IGHMBP2: variants seen among roughly 807,000 people sequenced by gnomAD.
IGHMBP2 encodes immunoglobulin mu DNA binding protein 2, also known as DNA-binding protein SMUBP-2.
In IGHMBP2, 81 loss-of-function variants were observed where a neutral mutation model predicts 96.0. That is an observed-to-expected ratio of 0.84 (90% CI 0.71 to 1.01). The LOEUF (loss-of-function observed/expected upper bound fraction) is 1.01. IGHMBP2 is among the 50% of genes least tolerant of loss of function. The probability of loss-of-function intolerance (pLI) is 0.00; values close to 1 mark genes in which losing one functional copy is unlikely to be tolerated. For synonymous variants in IGHMBP2, 557 were observed against 548.9 expected (o/e 1.01, Z -0.21); for missense variants, 1,227 against 1,306.3 (o/e 0.94, Z 0.94).
chr11:68,903,998 C>T lies in IGHMBP2; in HGVS notation c.46C>T (p.Leu16=). ...GAGCTTCGTGACCAAGCAACTGGAC[C>T]TGCTGGAGCTTGAGAGAGACGCGGA... ...VESFVTKQLD[L]LELERDAEVE... Residue 16 remains leucine, a synonymous_variant, in exon 1 of 15, where the codon CTG becomes TTG. Coordinates refer to ENST00000255078, the MANE Select transcript of IGHMBP2 (RefSeq NM_002180.3). 1 of 1,551,290 alleles carries T rather than the reference C, an allele frequency of 6.4e-7. No individual in the cohort carries two copies. Among genetic ancestry groups the T allele is most frequent in the Non-Finnish European group, 8.7e-7 (1 of 1,147,248 alleles).
intron 8 of IGHMBP2, chr11:68,930,298 T>C (rs1211888449): frequency 7.8e-7 from 1 of 1,288,550 alleles, no homozygotes; most frequent in Non-Finnish European, 1.0e-6. Flanking sequence ...TTGAAACACT[T>C]CTCTGTTTCA....
chr11:68,930,417 C>A (rs1859245000), intron 8 of IGHMBP2: 6 of 1,289,562 alleles, frequency 4.7e-6, no homozygotes, highest in Non-Finnish European at 6.1e-6. Context: ...GGGGCGTGGG[C>A]AGCCCAGGAG....
At chr11:68,939,467 A>T (rs568862) in intron 14 of IGHMBP2, 67 bp from the exon 15 acceptor site, 10 of 1,556,400 alleles carry the variant, frequency 6.4e-6, no homozygotes, top group Non-Finnish European at 8.8e-6. Flanking sequence ...GCTCTTTGAT[A>T]GGCAGAGCTG....
At chr11:68,912,151 G>GC (rs1445224221) in intron 5 of IGHMBP2, among the ~76,000 whole-genome samples, 6 of 152,114 alleles carry the variant, frequency 3.9e-5, no homozygotes, top group African/African-American at 1.4e-4. Flanking sequence ...TGGAGACGGA[G>GC]CCTCACTCTG....
Position 68,908,255 on chromosome 11 carries a change from G to C in IGHMBP2, c.367G>C (p.Asp123His), listed in dbSNP as rs1004055119. 15 of 1,613,944 alleles carry C rather than the reference G, an allele frequency of 9.3e-6. No individual in the cohort carries two copies. The East Asian group carries it at 2.7e-4, about 29-fold the overall frequency. The change falls in exon 3 of 15, where the codon GAT becomes CAT. Residue 123 changes from aspartate (D) to histidine (H), a missense_variant. Physicochemically the swap from Asp to His is moderately conservative, Grantham distance 81. Transcript: ENST00000255078. ...SVTVAFDESHDFQLSLDRENS... is the reference protein window; with the variant it reads ...SVTVAFDESHHFQLSLDRENS... ...CACGGTGGCCTTTGATGAGTCCCAC[G>C]ATTTCCAGTTGAGCTTGGACCGAGA... is the stretch of plus-strand genomic sequence containing the variant.
At chr11:68,919,778 T>G (rs1858811026) in intron 7 of IGHMBP2, among the ~76,000 whole-genome samples, 1 of 152,240 alleles carries the variant, frequency 6.6e-6, no homozygotes, top group Non-Finnish European at 1.5e-5. Context: ...GGGCTATGTT[T>G]TCTTGATTAA....
At chr11:68,904,811 T>TTTTTTTTTTTTTC in intron 1 of IGHMBP2, among the ~76,000 whole-genome samples, 1 of 146,212 alleles carries the variant, frequency 6.8e-6, no homozygotes, top group Non-Finnish European at 1.5e-5. Context: ...TTCTTTTTTT[T>TTTTTTTTTTTTTC]TTTTTTAGAC....
rs1421719488 is a variant in IGHMBP2 at position 68,937,078 on chromosome 11, G to T, written c.2598G>T (p.Lys866Asn). Residue 866 changes from lysine (K) to asparagine (N), a missense_variant, in exon 13 of 15, where the codon AAG becomes AAT. This residue lies in a region of IGHMBP2 where 703 missense variants were observed against 770.3 expected (regional missense o/e 0.91). Coordinates refer to ENST00000255078, the MANE Select transcript of IGHMBP2 (RefSeq NM_002180.3). Reference protein sequence around the residue: ...SGQQKLPEKKKKKAKGHPATD... With the variant: ...SGQQKLPEKKNKKAKGHPATD... ...AGCAGAAACTTCCAGAAAAGAAAAA[G>T]AAAAAAGCCAAAGGTAAGTCAACTA... The T allele has an allele frequency of 1.3e-6, 2 of 1,598,282 alleles. No individual in the cohort carries two copies. Among genetic ancestry groups the T allele is most frequent in the African/African-American group, 1.3e-5 (1 of 74,864 alleles).
In IGHMBP2 at chr11:68,903,958, C is replaced by T. The variant is rs1168042239; in HGVS notation, c.6C>T (p.Ala2=). ...GGCCCAGGCCGGCGGCGGCGATGGC[C>T]TCGGCAGCTGTGGAGAGCTTCGTGA... M[A]SAAVESFVTK... The change falls in exon 1 of 15, where the codon GCC becomes GCT. Residue 2 remains alanine, a synonymous_variant. Transcript: ENST00000255078. The T allele has an allele frequency of 4.5e-6, 7 of 1,565,414 alleles. No individual in the cohort carries two copies. Among genetic ancestry groups the T allele is most frequent in the African/African-American group, 2.7e-5 (2 of 73,602 alleles).
chr11:68,934,615 G>A, intron 11 of IGHMBP2, 57 bp downstream of exon 11: 1 of 1,316,988 alleles, frequency 7.6e-7, no homozygotes. Context: ...ACAACCTAGA[G>A]GGTGAAAGAA....
At chr11:68,938,478 C>T in intron 14 of IGHMBP2, 124 bp downstream of exon 14, 2 of 786,300 alleles carry the variant, frequency 2.5e-6, no homozygotes, top group South Asian at 1.8e-5. Context: ...TCTCCAGATA[C>T]CTTCAGAAAC....
chr11:68,937,374 G>A (rs1338656153), intron 13 of IGHMBP2, among the ~76,000 whole-genome samples: 1 of 152,234 alleles, frequency 6.6e-6, no homozygotes, highest in Non-Finnish European at 1.5e-5. Flanking sequence ...GCCTGGAAGA[G>A]CAAACATGGA....
chr11:68,918,415 G>T (rs1040278452), intron 7 of IGHMBP2, among the ~76,000 whole-genome samples: 1 of 151,996 alleles, frequency 6.6e-6, no homozygotes, highest in Non-Finnish European at 1.5e-5. Context: ...GCCAATGCGG[G>T]TGGATCACCT....
Position 68,936,288 on chromosome 11 carries a change from G to C in IGHMBP2, c.1808G>C (p.Arg603Pro). Reference sequence around the variant, plus strand: ...CGGAGGATCAACGTGGCTGTCACCCGTGCCCGACGCCACGTGGCGGTCATC... The same window carrying C: ...CGGAGGATCAACGTGGCTGTCACCCCTGCCCGACGCCACGTGGCGGTCATC... Reference protein sequence around the residue: ...EDRRINVAVTRARRHVAVICD... With the variant: ...EDRRINVAVTPARRHVAVICD... The change falls in exon 13 of 15, where the codon CGT becomes CCT. Residue 603 changes from arginine to proline, a missense_variant. Physicochemically the swap from Arg to Pro is moderately radical, Grantham distance 103. Around this residue, in one of 3 missense-constraint regions of IGHMBP2, gnomAD observed 703 missense variants for 770.3 expected, o/e 0.91. Coordinates refer to ENST00000255078, the MANE Select transcript of IGHMBP2 (RefSeq NM_002180.3). The C allele has an allele frequency of 6.2e-7, 1 of 1,614,162 alleles. No homozygotes were observed. The highest frequency in any genetic ancestry group is 1.3e-5 in the African/African-American group (1 of 75,060).
chr11:68,932,965 C>T (rs1859372965), intron 8 of IGHMBP2: 1 of 401,232 alleles, frequency 2.5e-6, no homozygotes, highest in East Asian at 5.0e-5. Flanking sequence ...CCCTCGGTGA[C>T]CTTCTCTGAC....
At chr11:68,925,872 C>T (rs931504476) in intron 7 of IGHMBP2, among the ~76,000 whole-genome samples, 2 of 152,012 alleles carry the variant, frequency 1.3e-5, no homozygotes, top group East Asian at 1.9e-4. Flanking sequence ...TTTCAAGTGT[C>T]GTCTTTTGTC....
intron 8 of IGHMBP2, chr11:68,930,586 A>G: frequency 1.1e-6 from 1 of 889,850 alleles, no homozygotes; most frequent in Non-Finnish European, 1.3e-6. Flanking sequence ...TAGAGTGGAA[A>G]TGTTACGGGA....
intron 4 of IGHMBP2, among the ~76,000 whole-genome samples, chr11:68,909,181 G>A (rs1482428768): frequency 3.5e-5 from 4 of 115,248 alleles, no homozygotes; most frequent in Non-Finnish European, 7.5e-5. Flanking sequence ...TTTGGCGGGG[G>A]GGGTGGAGGG....
In IGHMBP2 at chr11:68,939,617, C is replaced by T. The variant is rs752024072; in HGVS notation, c.2868C>T (p.Thr956=). The change falls in exon 15 of 15, where the codon ACC becomes ACT. Residue 956 remains threonine, a synonymous_variant. Transcript: ENST00000255078. ...REGVLYAGSG[T]KNGSLDPAKR... Reference sequence around the variant, plus strand: ...GGGTCCTCTATGCCGGCAGCGGGACCAAGAACGGATCCCTGGACCCAGCCA... The same window carrying T: ...GGGTCCTCTATGCCGGCAGCGGGACTAAGAACGGATCCCTGGACCCAGCCA... The T allele has an allele frequency of 6.2e-7, 1 of 1,613,558 alleles. No homozygotes were observed.
Sources: gnomAD v4.1 joint callset for allele counts (sites outside exome capture counted in the v4.1 genomes callset) on GRCh38, gnomAD v4.1.1 for gene constraint, gnomAD v4.1.1 regional missense constraint, MANE v1.5 for transcripts, NCBI Gene and HGNC (gene_info 2026-07-23, HGNC 2026-07-21) for gene names.